Variants in UTRN observed in about 807,000 individuals in gnomAD.
UTRN encodes dystrophin-related protein 1.
In UTRN, 283 loss-of-function variants were observed where a neutral mutation model predicts 463.9. The observed-to-expected ratio is 0.61, with a 90% CI of 0.55 to 0.67. UTRN has a LOEUF of 0.67. UTRN is among the 30% of genes least tolerant of loss of function. The pLI is 0.00. For synonymous variants in UTRN, 1,442 were observed against 1,431.5 expected (o/e 1.01, Z -0.17); for missense variants, 3,922 against 4,084.3 (o/e 0.96, Z 1.08).
Position 144,827,490 on chromosome 6 carries a change from G to A in UTRN, c.9533+104G>A, listed in dbSNP as rs1375835172. ...CTAAAATAATACTTCTGTGTTCCGG[G>A]TAACAATCCTAGTGGTCTGTTTGCA... is the stretch of plus-strand genomic sequence containing the variant. On this transcript the variant is annotated intron_variant, in intron 67 of 74. Coordinates refer to ENST00000367545, the MANE Select transcript of UTRN (RefSeq NM_007124.3). 5.0e-6 allele frequency: 8 copies of A among 1,595,338 alleles called. No individual in the cohort carries two copies. In the East Asian group the frequency reaches 1.6e-4, roughly 31 times the overall value.
chr6:144,605,503 G>A (rs528132418), intron 51 of UTRN, among the ~76,000 whole-genome samples: 2 of 151,588 alleles, frequency 1.3e-5, no homozygotes, highest in South Asian at 2.1e-4. Flanking sequence ...CATTGTGACC[G>A]AATAACTTTT....
intron 2 of UTRN, among the ~76,000 whole-genome samples, chr6:144,362,188 G>C (rs1297056643): frequency 6.6e-6 from 1 of 152,156 alleles, no homozygotes; most frequent in African/African-American, 2.4e-5. Flanking sequence ...TGAGATCCTG[G>C]TGTGGGCATT....
At chr6:144,844,733 C>T (rs1180340816) in intron 73 of UTRN, among the ~76,000 whole-genome samples, 2 of 152,122 alleles carry the variant, frequency 1.3e-5, no homozygotes, top group Non-Finnish European at 2.9e-5. Flanking sequence ...TTTGTGATTC[C>T]CAAAGCTTAC....
intron 69 of UTRN, among the ~76,000 whole-genome samples, chr6:144,829,709 T>TAA (rs76736169): frequency 0.04 from 5,478 of 135,812 alleles, 151 homozygotes; most frequent in South Asian, 0.068. Context: ...GTGTTTTCAC[T>TAA]AAAAAAAAAA....
At chr6:144,337,306 A>G (rs1051776431) in intron 2 of UTRN, among the ~76,000 whole-genome samples, 1 of 152,156 alleles carries the variant, frequency 6.6e-6, no homozygotes, top group African/African-American at 2.4e-5. Context: ...ATCTCCTGGT[A>G]GAGGGAGAAG....
chr6:144,678,265 A>G (rs1781850366), intron 51 of UTRN, 141 bp from the exon 52 acceptor site: 2 of 786,424 alleles, frequency 2.5e-6, no homozygotes, highest in Admixed American at 3.1e-5. Context: ...AATTTTCAGA[A>G]TAATAAGAAT....
chr6:144,439,793 A>G (rs924022205), intron 12 of UTRN, among the ~76,000 whole-genome samples: 4 of 152,170 alleles, frequency 2.6e-5, no homozygotes, highest in African/African-American at 9.6e-5. Context: ...GTGAGCCACC[A>G]TGCCCAGCCT....
At chr6:144,378,489 C>T (rs963742228) in intron 2 of UTRN, among the ~76,000 whole-genome samples, 7 of 152,132 alleles carry the variant, frequency 4.6e-5, no homozygotes, top group South Asian at 2.1e-4. Flanking sequence ...TCCAGAAGTC[C>T]GCTCTGAAGA....
At chr6:144,748,832 G>T (rs1418880890) in intron 55 of UTRN, among the ~76,000 whole-genome samples, 1 of 152,078 alleles carries the variant, frequency 6.6e-6, no homozygotes, top group East Asian at 1.9e-4. Context: ...TTAATCCCCA[G>T]ATTTCCCCTC....
chr6:144,428,934 C>A, intron 8 of UTRN, 41 bp downstream of exon 8: 1 of 1,346,146 alleles, frequency 7.4e-7, no homozygotes, highest in Non-Finnish European at 1.0e-6. Context: ...TTTTGCTTTA[C>A]AGTTTTGCAT....
intron 46 of UTRN, among the ~76,000 whole-genome samples, chr6:144,545,638 C>G (rs1798332744): frequency 6.6e-6 from 1 of 152,216 alleles, no homozygotes; most frequent in African/African-American, 2.4e-5. Context: ...TAGAATAGCC[C>G]TTTCTTGCCC....
At chr6:144,803,285 T>G in intron 65 of UTRN, 138 bp downstream of exon 65, 3 of 458,222 alleles carry the variant, frequency 6.5e-6, no homozygotes, top group Non-Finnish European at 1.1e-5. Context: ...TTAAGTAAAC[T>G]CATTTATGTT....
At chr6:144,404,169 C>T (rs928695737) in intron 3 of UTRN, among the ~76,000 whole-genome samples, 10 of 152,000 alleles carry the variant, frequency 6.6e-5, no homozygotes, top group African/African-American at 9.7e-5. Context: ...TTGGGCTTTG[C>T]GAGTTTATCT....
rs1191546089 is a variant in UTRN at position 144,757,531 on chromosome 6, C to A, written c.8435-398C>A. ...AATGTTATTAGTCATCTGGAAAATTCGGTCTTGAAAAATCTAATTTTTAAT... is the reference window on the plus strand; with the variant it reads ...AATGTTATTAGTCATCTGGAAAATTAGGTCTTGAAAAATCTAATTTTTAAT... On this transcript the variant is annotated intron_variant, in intron 57 of 74. Coordinates refer to ENST00000367545, the MANE Select transcript of UTRN (RefSeq NM_007124.3). Among the ~76,000 whole-genome samples, 13 of 152,098 alleles carry A rather than the reference C, an allele frequency of 8.5e-5. No individual in the cohort carries two copies. In the East Asian group the frequency reaches 1.4e-3, roughly 16 times the overall value.
intron 23 of UTRN, 55 bp downstream of exon 23, chr6:144,462,921 T>C: frequency 1.5e-6 from 2 of 1,307,282 alleles, no homozygotes; most frequent in South Asian, 2.6e-5. Context: ...ATAGTAATTA[T>C]CTTATAAGAT....
chr6:144,398,990 T>G (rs1584613157), intron 2 of UTRN, among the ~76,000 whole-genome samples: 1 of 152,238 alleles, frequency 6.6e-6, no homozygotes, highest in African/African-American at 2.4e-5. Flanking sequence ...TTTGAAATGT[T>G]AATTATCTAA....
chr6:144,621,959 T>G (rs956977635), intron 51 of UTRN, among the ~76,000 whole-genome samples: 2 of 152,068 alleles, frequency 1.3e-5, no homozygotes, highest in African/African-American at 4.8e-5. Context: ...TCTCCTTTTT[T>G]TGGTTATAAT....
At chr6:144,381,195 C>T (rs1439631049) in intron 2 of UTRN, among the ~76,000 whole-genome samples, 2 of 152,016 alleles carry the variant, frequency 1.3e-5, no homozygotes, top group Non-Finnish European at 2.9e-5. Flanking sequence ...TCCAATAGAC[C>T]CCAGTGTATA....
At chr6:144,380,969 T>G (rs1426927550) in intron 2 of UTRN, among the ~76,000 whole-genome samples, 1 of 152,120 alleles carries the variant, frequency 6.6e-6, no homozygotes, top group Non-Finnish European at 1.5e-5. Context: ...TCTAAAGCAA[T>G]TCCTTTCTTT....
Sources: allele counts gnomAD v4.1 joint callset (sites outside exome capture counted in the v4.1 genomes callset), GRCh38; gene constraint gnomAD v4.1.1; transcripts MANE v1.5; gene names NCBI Gene and HGNC (gene_info 2026-07-23, HGNC 2026-07-21).